MYH10: variants seen among roughly 807,000 people sequenced by gnomAD.
The protein encoded by MYH10 is myosin heavy chain 10.
MYH10 carries 55 observed loss-of-function variants against 257.8 expected under a neutral mutation model. That is an observed-to-expected ratio of 0.21 (90% confidence interval 0.17 to 0.27). The LOEUF is 0.27. MYH10 is among the 10% of genes least tolerant of loss of function. The pLI is 1.00. For missense variants in MYH10, 1,631 were observed against 2,500.6 expected (o/e 0.65, Z 7.42); for synonymous variants, 854 against 921.7 (o/e 0.93, Z 1.33).
chr17:8,481,514 A>AC, intron 37 of MYH10, 104 bp from the exon 38 acceptor site: 1 of 932,294 alleles, frequency 1.1e-6, no homozygotes, highest in Non-Finnish European at 1.6e-6. Context: ...GTCACTGTTT[A>AC]CCTGCACCTC....
In MYH10 at chr17:8,585,206, A is replaced by G. The variant is rs7206977; in HGVS notation, c.530+3875T>C. Among the ~76,000 whole-genome samples the G allele has an allele frequency of 1.4e-3, 65 of 47,458 alleles. 1 individual carries two copies. Among genetic ancestry groups the G allele is most frequent in the East Asian group, 0.012 (17 of 1,464 alleles). 31.1% of individuals were successfully genotyped at this position (47,458 alleles called of 152,430 possible). ...GTGTGTGTGTATATTATATATATATATGTGTGTGTGTGTACATATATGTGT... is the reference window on the plus strand; with the variant it reads ...GTGTGTGTGTATATTATATATATATGTGTGTGTGTGTGTACATATATGTGT... On this transcript the variant is annotated intron_variant, in intron 4 of 42. Coordinates refer to ENST00000360416, the MANE Select transcript of MYH10 (RefSeq NM_001256012.3).
chr17:8,496,599 C>T (rs975999182), intron 30 of MYH10, among the ~76,000 whole-genome samples: 3 of 152,186 alleles, frequency 2.0e-5, no homozygotes, highest in Non-Finnish European at 2.9e-5. Context: ...CTGTCACTCC[C>T]CTCCCTTCCC....
rs2083531216 is a variant in MYH10 at position 8,577,217 on chromosome 17, C to T, written c.633+19G>A. 2 of 1,564,850 alleles carry T rather than the reference C, an allele frequency of 1.3e-6. No homozygotes were observed. Among genetic ancestry groups the T allele is most frequent in the African/African-American group, 2.7e-5 (2 of 73,322 alleles). On this transcript the variant is annotated intron_variant, in intron 5 of 42. Transcript: ENST00000360416. ...TAAAAGAAGAAGAAGATTTAAAAAA[C>T]AACAGAGCAGAAACTTACAGGAATA... is the stretch of plus-strand genomic sequence containing the variant.
intron 2 of MYH10, among the ~76,000 whole-genome samples, chr17:8,608,440 G>A (rs1174803291): frequency 1.3e-5 from 2 of 152,186 alleles, no homozygotes; most frequent in Non-Finnish European, 2.9e-5. Context: ...GGACTCCAAG[G>A]TCTCCAGGCC....
At chr17:8,616,557 A>G (rs2085270275) in intron 2 of MYH10, among the ~76,000 whole-genome samples, 1 of 152,084 alleles carries the variant, frequency 6.6e-6, no homozygotes, top group Non-Finnish European at 1.5e-5. Context: ...AATAAAATAA[A>G]ATACCCAAAA....
chr17:8,585,475 C>A (rs143353686), intron 4 of MYH10, among the ~76,000 whole-genome samples: 51 of 151,568 alleles, frequency 3.4e-4, no homozygotes, highest in Non-Finnish European at 6.3e-4. Flanking sequence ...TTTATGAAGA[C>A]CCCAGTCACA....
intron 24 of MYH10, among the ~76,000 whole-genome samples, chr17:8,510,558 G>A (rs1398108392): frequency 1.3e-5 from 2 of 152,146 alleles, no homozygotes; most frequent in Non-Finnish European, 2.9e-5. Flanking sequence ...CTATGAACAT[G>A]CTACAAAAAG....
intron 14 of MYH10, among the ~76,000 whole-genome samples, chr17:8,541,638 C>G (rs1400373717): frequency 6.6e-6 from 1 of 151,636 alleles, no homozygotes; most frequent in Non-Finnish European, 1.5e-5. Context: ...GACAAGACTT[C>G]CCTGAGAACA....
chr17:8,571,545 G>A (rs1269309697), intron 6 of MYH10, among the ~76,000 whole-genome samples: 1 of 152,006 alleles, frequency 6.6e-6, no homozygotes, highest in Non-Finnish European at 1.5e-5. Context: ...AACTTTGCGA[G>A]GCCAAGGCAG....
At position 8,504,234 on chromosome 17, in the gene MYH10, C is replaced by G. The variant is rs949737230; in HGVS notation, c.3599+460G>C. 1.3e-5 allele frequency among the ~76,000 whole-genome samples: 2 copies of G among 152,198 alleles called. No individual in the cohort carries two copies. The highest frequency in any genetic ancestry group is 4.8e-5 in the African/African-American group (2 of 41,428). On this transcript the variant is annotated intron_variant, in intron 28 of 42. Coordinates refer to ENST00000360416, the MANE Select transcript of MYH10 (RefSeq NM_001256012.3). This position sits in a 1 kb window ranked among gnomAD's most constrained non-coding sequence, Gnocchi z 5.6. ...GTGCGTGCACCAGCCTTCTTCTCAC[C>G]CTTGTGAAGGCACCCTTCCCTTTTC...
At position 8,478,450 on chromosome 17, in the gene MYH10, T is replaced by G. The variant is rs184182679; in HGVS notation, c.5598-4A>C. On this transcript the variant is annotated splice_region_variant and splice_polypyrimidine_tract_variant and intron_variant, in intron 40 of 42. Transcript: ENST00000360416. The stretch of plus-strand genomic sequence containing the variant: ...TTTGTTGGCGGCTGCTCGTTCCCTG[T>G]GAAAGTGGTCACAGTAGTTTTGAAA... 218 of 1,613,856 alleles carry G rather than the reference T, an allele frequency of 1.4e-4. No individual in the cohort carries two copies. In the East Asian group the frequency reaches 4.4e-3, roughly 32 times the overall value.
chr17:8,491,376 C>G (rs1019341961), intron 34 of MYH10, among the ~76,000 whole-genome samples: 7 of 152,206 alleles, frequency 4.6e-5, no homozygotes, highest in Non-Finnish European at 8.8e-5. Context: ...ACTGTGTAAC[C>G]ATGGCCACTT....
intron 17 of MYH10, among the ~76,000 whole-genome samples, chr17:8,524,169 A>G (rs58692294): frequency 0.5 from 76,354 of 151,824 alleles, 20,199 homozygotes; most frequent in Middle Eastern, 0.62. Flanking sequence ...GGCCAGGCAT[A>G]GTGGCTCATG....
chr17:8,503,275 C>G (rs1257596334), intron 28 of MYH10, among the ~76,000 whole-genome samples: 1 of 147,854 alleles, frequency 6.8e-6, no homozygotes, highest in Non-Finnish European at 1.5e-5. Flanking sequence ...AAGAGCGAAA[C>G]TCCGTCTCAA....
In MYH10 at chr17:8,545,434, A is replaced by AG. The variant is rs1567876838; in HGVS notation, c.1431+13dup. On this transcript the variant is annotated intron_variant, in intron 13 of 42. Coordinates refer to ENST00000360416, the MANE Select transcript of MYH10 (RefSeq NM_001256012.3). This position sits in a 1 kb window ranked among gnomAD's most constrained non-coding sequence, Gnocchi z 4.7. ...AAAAAGAAGGACGAGCTAGAGGAAG[A>AG]GGGGGAAGAATACCTCAAAAATTTC... The AG allele has an allele frequency of 1.2e-6, 2 of 1,612,144 alleles. No homozygotes were observed. The highest frequency in any genetic ancestry group is 2.2e-5 in the South Asian group (2 of 90,586).
chr17:8,507,647 CA>C (rs1168317293), intron 26 of MYH10, among the ~76,000 whole-genome samples: 2 of 152,180 alleles, frequency 1.3e-5, no homozygotes, highest in African/African-American at 4.8e-5. Context: ...CACCAAAGAA[CA>C]GTATCTTTTA....
In MYH10 at chr17:8,512,532, G is replaced by T. The variant is rs1186042642; in HGVS notation, c.2871C>A (p.Asp957Glu). 6.2e-7 allele frequency: 1 copy of T among 1,613,696 alleles called. No homozygotes were observed. ...KKQELEEILH[D>E]LESRVEEEEE... is the part of the protein sequence containing the mutation. The stretch of plus-strand genomic sequence containing the variant: ...CTTCTTCTTCAACCCTAGACTCCAA[G>T]TCATGTAGAATCTCTTCTAATTCCT... The change falls in exon 24 of 43, where the codon GAC becomes GAA. Residue 957 changes from aspartate to glutamate, a missense_variant. By Grantham distance (45) the Asp-to-Glu change is conservative (BLOSUM62 2). This residue lies in a region of MYH10 where 1 missense variants were observed against 17.7 expected (regional missense o/e 0.06). Coordinates refer to ENST00000360416, the MANE Select transcript of MYH10 (RefSeq NM_001256012.3).
At chr17:8,510,005 C>A (rs966278520) in intron 24 of MYH10, 56 bp from the exon 25 acceptor site, 4 of 1,545,732 alleles carry the variant, frequency 2.6e-6, no homozygotes, top group African/African-American at 1.4e-5. Flanking sequence ...ACCACACATT[C>A]ATTGTGCACA....
chr17:8,582,095 G>A (rs764519561), intron 4 of MYH10, among the ~76,000 whole-genome samples: 2 of 152,180 alleles, frequency 1.3e-5, no homozygotes, highest in Non-Finnish European at 2.9e-5. Context: ...TGATGATGAA[G>A]ATGGTAATGG....
Sources: gnomAD v4.1 joint callset for allele counts (sites outside exome capture counted in the v4.1 genomes callset) on GRCh38, gnomAD v4.1.1 for gene constraint, gnomAD v4.1.1 regional missense constraint, Gnocchi (gnomAD v3.1) non-coding constraint, MANE v1.5 for transcripts, NCBI Gene and HGNC (gene_info 2026-07-23, HGNC 2026-07-21) for gene names.